OSGIN2: variants seen among roughly 807,000 people sequenced by gnomAD.
OSGIN2 encodes oxidative stress induced growth inhibitor family member 2, also known as oxidative stress-induced growth inhibitor 2.
Under a neutral mutation model 53.8 loss-of-function variants are expected in OSGIN2, and 19 were observed. The ratio of observed to expected loss-of-function variants is 0.35; its 90% CI spans 0.25 to 0.52. The LOEUF (loss-of-function observed/expected upper bound fraction) is 0.52. Ranked by LOEUF, OSGIN2 falls within the 20% of genes least tolerant of loss-of-function variation. The pLI is 0.95. For missense variants in OSGIN2, 520 were observed against 662.7 expected (o/e 0.78, Z 2.36); for synonymous variants, 236 against 236.0 (o/e 1.00, Z 0.00).
rs1026765126 is a variant in OSGIN2 at position 89,906,013 on chromosome 8, G to A, written c.44+3176G>A. ...ACTTATGCACTGAAAACTACAAAAT[G>A]TTGAGAGAAATTAAAGGTCTAAATA... is the stretch of plus-strand genomic sequence containing the variant. On this transcript the variant is annotated intron_variant, in intron 1 of 5. Transcript: ENST00000451899. Among the ~76,000 whole-genome samples the A allele has an allele frequency of 7.9e-5, 12 of 152,274 alleles. No individual in the cohort carries two copies. The Middle Eastern group carries it at 0.014, about 173-fold the overall frequency.
Position 89,902,868 on chromosome 8 carries a change from C to T in OSGIN2, c.44+31C>T, listed in dbSNP as rs551015731. ...TTCCTCGCCGGGGATGGGAGGGGAGCAGGCGGGGATGCCGCGCTCTCGAGC... is the reference window on the plus strand; with the variant it reads ...TTCCTCGCCGGGGATGGGAGGGGAGTAGGCGGGGATGCCGCGCTCTCGAGC... On this transcript the variant is annotated intron_variant, in intron 1 of 5. Coordinates refer to ENST00000451899, the MANE Select transcript of OSGIN2 (RefSeq NM_001126111.3). The T allele has an allele frequency of 1.2e-5, 16 of 1,348,074 alleles. No individual in the cohort carries two copies. The South Asian group carries it at 2.3e-4, about 20-fold the overall frequency. The allele number at this position is 1,348,074 out of a possible 1,614,324, so 83.5% of individuals were successfully genotyped here.
At chr8:89,921,484 CTTTATT>C (rs1554551355) in intron 5 of OSGIN2, among the ~76,000 whole-genome samples, 4 of 152,170 alleles carry the variant, frequency 2.6e-5, no homozygotes, top group South Asian at 2.1e-4. Flanking sequence ...ATTTTTCATA[CTTTATT>C]TTTATGCATT....
chr8:89,907,886 G>C (rs1808873250), intron 1 of OSGIN2, among the ~76,000 whole-genome samples: 1 of 152,130 alleles, frequency 6.6e-6, no homozygotes, highest in African/African-American at 2.4e-5. Context: ...TAATGATACT[G>C]ATTCTTCCTA....
chr8:89,925,331 T>TA lies in OSGIN2; in HGVS notation c.1451dup (p.Asn486Ter). 6.2e-7 allele frequency: 1 copy of TA among 1,614,104 alleles called. No individual in the cohort carries two copies. Among genetic ancestry groups the TA allele is most frequent in the Non-Finnish European group, 8.5e-7 (1 of 1,179,950 alleles). The stretch of plus-strand genomic sequence containing the variant: ...ATAAGTCAAGCCAGCCAATCACATG[T>TA]AAGGGTAATCCTGTGGAAATAGATA... On this transcript the variant is annotated frameshift_variant, in exon 6 of 6. Coordinates refer to ENST00000451899, the MANE Select transcript of OSGIN2 (RefSeq NM_001126111.3). LOFTEE classifies it high-confidence loss of function.
chr8:89,914,505 C>A, intron 3 of OSGIN2, 50 bp from the exon 4 acceptor site: 1 of 1,398,570 alleles, frequency 7.2e-7, no homozygotes, highest in South Asian at 1.2e-5. Flanking sequence ...AATATACTAT[C>A]TGGGAAATGC....
At chr8:89,905,045 G>A (rs1011478194) in intron 1 of OSGIN2, among the ~76,000 whole-genome samples, 2 of 152,156 alleles carry the variant, frequency 1.3e-5, no homozygotes, top group African/African-American at 4.8e-5. Context: ...TGGTTCCAAA[G>A]ACTATAAAAA....
At chr8:89,910,274 CTATT>C (rs1808940483) in intron 2 of OSGIN2, among the ~76,000 whole-genome samples, 1 of 152,110 alleles carries the variant, frequency 6.6e-6, no homozygotes, top group Non-Finnish European at 1.5e-5. Context: ...AAAAATTAAA[CTATT>C]AATAAAACAT....
chr8:89,920,194 G>C (rs1809167607), intron 4 of OSGIN2, among the ~76,000 whole-genome samples: 1 of 152,128 alleles, frequency 6.6e-6, no homozygotes, highest in Non-Finnish European at 1.5e-5. Flanking sequence ...CCTCAAAGCA[G>C]GTGGCAGCTT....
intron 1 of OSGIN2, among the ~76,000 whole-genome samples, chr8:89,904,417 A>G (rs1465784714): frequency 6.6e-6 from 1 of 152,208 alleles, no homozygotes. Flanking sequence ...AGTATTTGCT[A>G]TGTTTTGGTC....
At chr8:89,921,029 A>G in intron 4 of OSGIN2, 51 bp from the exon 5 acceptor site, 4 of 1,105,926 alleles carry the variant, frequency 3.6e-6, no homozygotes, top group Non-Finnish European at 5.3e-6. Flanking sequence ...AAAAAAAACC[A>G]TGTTACTTCT....
At position 89,924,772 on chromosome 8, in the gene OSGIN2, T is replaced by G. The variant is rs1399087938; in HGVS notation, c.890T>G (p.Leu297Arg). The G allele has an allele frequency of 1.2e-6, 2 of 1,614,206 alleles. No individual in the cohort carries two copies. The highest frequency in any genetic ancestry group is 2.7e-5 in the African/African-American group (2 of 75,072). Reference protein sequence around the residue: ...IADGSHVPFCLFAENVALATG... With the variant: ...IADGSHVPFCRFAENVALATG... ...GATGGTTCTCATGTTCCCTTCTGCC[T>G]CTTTGCTGAGAATGTAGCGCTGGCA... Residue 297 changes from leucine to arginine, a missense_variant, in exon 6 of 6, where the codon CTC (leucine) becomes CGC (arginine). By Grantham distance (102) the Leu-to-Arg change is moderately radical (BLOSUM62 -2). Around this residue, in one of 3 missense-constraint regions of OSGIN2, gnomAD observed 239 missense variants for 328.3 expected, o/e 0.73. Transcript: ENST00000451899.
rs1809302287 is a variant in OSGIN2, at chr8:89,925,429, G to A, written c.1547G>A (p.Arg516Gln). Residue 516 changes from arginine to glutamine, a missense_variant, in exon 6 of 6, where the codon CGA becomes CAA. By Grantham distance (43) the Arg-to-Gln change is conservative (BLOSUM62 1). Transcript: ENST00000451899. ...LGPLVGDNFV[R>Q]FLKGGALGVT... ...CCTTTGGTTGGAGACAATTTTGTTCGATTTTTAAAGGGAGGGGCGCTGGGT... is the reference window on the plus strand; with the variant it reads ...CCTTTGGTTGGAGACAATTTTGTTCAATTTTTAAAGGGAGGGGCGCTGGGT... 2 of 1,614,136 alleles carry A rather than the reference G, an allele frequency of 1.2e-6. No individual in the cohort carries two copies. The highest frequency in any genetic ancestry group is 8.5e-7 in the Non-Finnish European group (1 of 1,179,996).
intron 5 of OSGIN2, among the ~76,000 whole-genome samples, chr8:89,922,879 G>A (rs1253311140): frequency 6.6e-6 from 1 of 152,108 alleles, no homozygotes; most frequent in Admixed American, 6.5e-5. Context: ...CTACAACCCA[G>A]TACAGCATGT....
At position 89,927,268 on chromosome 8, in the gene OSGIN2, GC is replaced by G. The variant is rs1809359435; in HGVS notation, c.*1737del. On this transcript the variant is annotated 3_prime_UTR_variant, in exon 6 of 6. Coordinates refer to ENST00000451899, the MANE Select transcript of OSGIN2 (RefSeq NM_001126111.3). ...AAAGTCCACAGTTATTCAAACAATGGCTTTTTTTGTGATGAGAGTATTTGTT... is the reference window on the plus strand; with the variant it reads ...AAAGTCCACAGTTATTCAAACAATGGTTTTTTTGTGATGAGAGTATTTGTT... 1 of 149,582 alleles carries G rather than the reference GC, an allele frequency of 6.7e-6. No homozygotes were observed. Among genetic ancestry groups the G allele is most frequent in the Admixed American group, 6.7e-5 (1 of 14,992 alleles). The allele number at this position is 149,582 out of a possible 1,614,324, so 9.3% of individuals were successfully genotyped here. A position where few individuals can be genotyped will look rare whatever the true frequency, so the allele number is the denominator to read the frequency against.
rs932089778 is a variant in OSGIN2 at position 89,927,149 on chromosome 8, G to A, written c.*1617G>A. ...CTGTTTTTGACCTCTGCATGAGTTG[G>A]ATTAGATGTTTTTCTTACTGTCACT... On this transcript the variant is annotated 3_prime_UTR_variant, in exon 6 of 6. Transcript: ENST00000451899. 3.3e-5 allele frequency: 5 copies of A among 152,072 alleles called. No homozygotes were observed. Among genetic ancestry groups the A allele is most frequent in the Admixed American group, 6.6e-5 (1 of 15,266 alleles). 9.4% of individuals were successfully genotyped at this position (152,072 alleles called of 1,614,324 possible).
At position 89,924,898 on chromosome 8, in the gene OSGIN2, G is replaced by GA; in HGVS notation, c.1019dup (p.Leu341ValfsTer19). The stretch of plus-strand genomic sequence containing the variant: ...GAATTTGGAGCTGCTATAAACAAAG[G>GA]AAAGTTGCGTGGCAAAGTGGATCCA... On this transcript the variant is annotated frameshift_variant, in exon 6 of 6. Transcript: ENST00000451899. LOFTEE classifies it high-confidence loss of function. The GA allele has an allele frequency of 6.2e-7, 1 of 1,614,170 alleles. No homozygotes were observed. Among genetic ancestry groups the GA allele is most frequent in the Non-Finnish European group, 8.5e-7 (1 of 1,180,008 alleles).
chr8:89,902,635 A>G lies in OSGIN2; in HGVS notation c.-159A>G, dbSNP rs1234336307. On this transcript the variant is annotated 5_prime_UTR_variant, in exon 1 of 6. Coordinates refer to ENST00000451899, the MANE Select transcript of OSGIN2 (RefSeq NM_001126111.3). ...CTATCTGGAGGCGGACTCCGGCGCC[A>G]CAGAGCCGGGGCAGCCGCGGCAACG... 3.1e-5 allele frequency: 5 copies of G among 162,588 alleles called. No individual in the cohort carries two copies. Among genetic ancestry groups the G allele is most frequent in the Non-Finnish European group, 6.5e-5 (5 of 77,472 alleles). The allele number at this position is 162,588 out of a possible 1,614,324, so 10.1% of individuals were successfully genotyped here. A position where few individuals can be genotyped will look rare whatever the true frequency, so the allele number is the denominator to read the frequency against.
chr8:89,915,125 A>C (rs1354974492), intron 4 of OSGIN2, among the ~76,000 whole-genome samples: 1 of 152,234 alleles, frequency 6.6e-6, no homozygotes, highest in Non-Finnish European at 1.5e-5. Flanking sequence ...TAAATGAAAA[A>C]TGTAAAAGAG....
intron 1 of OSGIN2, among the ~76,000 whole-genome samples, chr8:89,905,989 C>G (rs1306503208): frequency 6.6e-6 from 1 of 152,106 alleles, no homozygotes; most frequent in Admixed American, 6.5e-5. Context: ...AAATGCAATA[C>G]TTATGCACTG....
Sources: allele counts gnomAD v4.1 joint callset (sites outside exome capture counted in the v4.1 genomes callset), GRCh38; gene constraint gnomAD v4.1.1; regional missense constraint gnomAD v4.1.1; transcripts MANE v1.5; gene names NCBI Gene and HGNC (gene_info 2026-07-23, HGNC 2026-07-21).